The following WDFY4 variants were observed in gnomAD, a reference collection of about 807,000 sequenced individuals.
WDFY4 encodes WDFY family member 4, also known as WD repeat- and FYVE domain-containing protein 4.
In WDFY4, 169 loss-of-function variants were observed where a neutral mutation model predicts 351.9. That is an observed-to-expected ratio of 0.48 (90% CI 0.42 to 0.55). The LOEUF is 0.55. WDFY4 is among the 20% of genes least tolerant of loss of function. WDFY4 has a pLI of 0.00. For synonymous variants in WDFY4, 1,622 were observed against 1,574.6 expected, an observed-to-expected ratio of 1.03 and a Z score of -0.71; for missense variants, 3,803 against 3,935.6, an observed-to-expected ratio of 0.97 and a Z score of 0.90.
At chr10:48,795,491 G>GTATGTATATA (rs1555013905) in intron 23 of WDFY4, among the ~76,000 whole-genome samples, 3 of 101,240 alleles carry the variant, frequency 3.0e-5, no homozygotes, top group African/African-American at 1.4e-4. Flanking sequence ...GTGTGTGTCT[G>GTATGTATATA]TATATATATA....
At chr10:48,791,210 C>T (rs1005456853) in intron 23 of WDFY4, among the ~76,000 whole-genome samples, 3 of 152,242 alleles carry the variant, frequency 2.0e-5, no homozygotes, top group African/African-American at 7.2e-5. Context: ...TTGTCTCTAG[C>T]ATGGTGGCTG....
At chr10:48,866,392 T>G (rs1180795154) in intron 39 of WDFY4, among the ~76,000 whole-genome samples, 3 of 152,234 alleles carry the variant, frequency 2.0e-5, no homozygotes, top group Non-Finnish European at 4.4e-5. Flanking sequence ...GTTTGCCAAA[T>G]TTCTTTCTGC....
At position 48,705,644 on chromosome 10, in the gene WDFY4, T is replaced by A. The variant is rs534012810; in HGVS notation, c.-17-4072T>A. 2.6e-5 allele frequency among the ~76,000 whole-genome samples: 4 copies of A among 152,346 alleles called. No individual in the cohort carries two copies. In the East Asian group the frequency reaches 7.7e-4, roughly 29 times the overall value. ...GCAGCTTGGCATTTGAGTCAGATGC[T>A]GCTGCCACGCAATTTCAGGGGTCCG... is the stretch of plus-strand genomic sequence containing the variant. On this transcript the variant is annotated intron_variant, in intron 1 of 61. Transcript: ENST00000325239.
chr10:48,717,844 C>A (rs766313611), intron 2 of WDFY4, among the ~76,000 whole-genome samples: 1 of 152,280 alleles, frequency 6.6e-6, no homozygotes, highest in Admixed American at 6.5e-5. Flanking sequence ...TTTTCACAGC[C>A]ACAAATAGTG....
chr10:48,920,487 G>A (rs565769572), intron 47 of WDFY4, among the ~76,000 whole-genome samples: 1 of 151,840 alleles, frequency 6.6e-6, no homozygotes, highest in East Asian at 1.9e-4. Flanking sequence ...TGCACGTTGT[G>A]CACATATACC....
rs148754524 is a variant in WDFY4, at chr10:48,704,808, C to T, written c.-17-4908C>T. ...CTCCCACCTCAGTACCAGCTGTGGA[C>T]GAAGGCTGCTAGCTTTGCTGTCACT... is the stretch of plus-strand genomic sequence containing the variant. On this transcript the variant is annotated intron_variant, in intron 1 of 61. Coordinates refer to ENST00000325239, the MANE Select transcript of WDFY4 (RefSeq NM_001394531.1). 2.1e-4 allele frequency among the ~76,000 whole-genome samples: 32 copies of T among 152,288 alleles called. No individual in the cohort carries two copies. In the East Asian group the frequency reaches 5.4e-3, roughly 26 times the overall value.
intron 40 of WDFY4, among the ~76,000 whole-genome samples, chr10:48,872,992 A>G (rs2069842719): frequency 1.3e-5 from 2 of 152,204 alleles, no homozygotes; most frequent in Admixed American, 1.3e-4. Context: ...GCTCAAATCA[A>G]TCAGTTGTCT....
chr10:48,824,622 A>T (rs11101520), intron 35 of WDFY4, among the ~76,000 whole-genome samples: 29,173 of 152,066 alleles, frequency 0.19, 3,756 homozygotes, highest in African/African-American at 0.37. Flanking sequence ...GAGTCCTATT[A>T]GAATTTCAGG....
At chr10:48,736,814 C>A (rs2064683237) in intron 11 of WDFY4, among the ~76,000 whole-genome samples, 1 of 152,022 alleles carries the variant, frequency 6.6e-6, no homozygotes, top group African/African-American at 2.4e-5. Context: ...GGAAGGCCCA[C>A]TGGGGAGAGA....
rs1435419818 is a variant in WDFY4, at chr10:48,776,864, C to T, written c.2978C>T (p.Thr993Ile). ...PQPLGESQDS[T>I]TALQTALSLI... ...CCCTTGGGGGAATCCCAGGATTCAACTACTGCTCTTCAGACGGCGCTGAGC... is the reference window on the plus strand; with the variant it reads ...CCCTTGGGGGAATCCCAGGATTCAATTACTGCTCTTCAGACGGCGCTGAGC... Residue 993 changes from threonine (T) to isoleucine (I), a missense_variant, in exon 16 of 62, where the codon ACT (threonine) becomes ATT (isoleucine). Around this residue, in one of 3 missense-constraint regions of WDFY4, gnomAD observed 3,054 missense variants for 3,148.6 expected, o/e 0.97. Transcript: ENST00000325239. 3 of 1,551,854 alleles carry T rather than the reference C, an allele frequency of 1.9e-6. No individual in the cohort carries two copies. The highest frequency in any genetic ancestry group is 2.0e-5 in the Admixed American group (1 of 51,008).
chr10:48,799,284 A>G (rs1036360361), intron 24 of WDFY4, among the ~76,000 whole-genome samples: 4 of 152,228 alleles, frequency 2.6e-5, no homozygotes, highest in Admixed American at 6.5e-5. Context: ...AAGCAAAGTG[A>G]AACAAAATGA....
chr10:48,734,921 G>A (rs548286850), intron 10 of WDFY4, among the ~76,000 whole-genome samples: 39 of 149,154 alleles, frequency 2.6e-4, no homozygotes, highest in African/African-American at 8.9e-4. Context: ...GACTACAGGC[G>A]CACGCCGCCA....
intron 59 of WDFY4, chr10:48,977,217 C>T (rs556192322): frequency 3.0e-6 from 1 of 330,240 alleles, no homozygotes; most frequent in East Asian, 4.6e-5. Flanking sequence ...CAGACACACA[C>T]TAAAATAAAT....
At chr10:48,856,856 A>G (rs2069151749) in intron 39 of WDFY4, among the ~76,000 whole-genome samples, 1 of 152,208 alleles carries the variant, frequency 6.6e-6, no homozygotes, top group South Asian at 2.1e-4. Flanking sequence ...GCTGAAGTTA[A>G]CACCACTCTT....
At chr10:48,903,762 C>T (rs1837479673) in intron 47 of WDFY4, among the ~76,000 whole-genome samples, 1 of 152,080 alleles carries the variant, frequency 6.6e-6, no homozygotes, top group Non-Finnish European at 1.5e-5. Context: ...AGCTATTGGG[C>T]ATATGAATCT....
intron 1 of WDFY4, among the ~76,000 whole-genome samples, chr10:48,692,522 A>T (rs906715568): frequency 5.3e-5 from 8 of 152,264 alleles, no homozygotes; most frequent in African/African-American, 1.9e-4. Flanking sequence ...AAGTGCTTTA[A>T]TTAAATGACT....
At chr10:48,812,204 T>C (rs565452325) in intron 30 of WDFY4, among the ~76,000 whole-genome samples, 1 of 150,888 alleles carries the variant, frequency 6.6e-6, no homozygotes, top group Non-Finnish European at 1.5e-5. Context: ...TTTTTGTTTT[T>C]TTTTGAGACA....
chr10:48,752,908 T>C (rs984657897), intron 12 of WDFY4, among the ~76,000 whole-genome samples: 2 of 152,210 alleles, frequency 1.3e-5, no homozygotes, highest in Non-Finnish European at 2.9e-5. Context: ...AGTAGAATTG[T>C]AGCTCAATTC....
At chr10:48,910,747 C>T (rs1837924542) in intron 47 of WDFY4, 1 of 170,742 alleles carries the variant, frequency 5.9e-6, no homozygotes, top group African/African-American at 2.4e-5. Flanking sequence ...CATGATAAAG[C>T]CCCAGAGCAA....
Sources: gnomAD v4.1 joint callset for allele counts (sites outside exome capture counted in the v4.1 genomes callset) on GRCh38, gnomAD v4.1.1 for gene constraint, gnomAD v4.1.1 regional missense constraint, MANE v1.5 for transcripts, NCBI Gene and HGNC (gene_info 2026-07-23, HGNC 2026-07-21) for gene names.